LOC122539214: variants seen among roughly 807,000 people sequenced by gnomAD.
the LOC122539214 span, among the ~76,000 whole-genome samples, chr19:52,686,740 G>A: frequency 1.3e-5 from 2 of 152,076 alleles, no homozygotes; most frequent in East Asian, 3.9e-4. Context: ...GCCTGGCTAA[G>A]TTTTGTATTT....
chr19:52,659,980 CAGGAGT>C, the LOC122539214 span, among the ~76,000 whole-genome samples: 2 of 152,102 alleles, frequency 1.3e-5, no homozygotes, highest in Non-Finnish European at 2.9e-5. Flanking sequence ...ATCATGAGGT[CAGGAGT>C]TCGAGACCAG....
chr19:52,687,568 T>TA, the LOC122539214 span, among the ~76,000 whole-genome samples: 1 of 33,042 alleles, frequency 3.0e-5, no homozygotes, highest in Non-Finnish European at 6.2e-5. Flanking sequence ...ATTTTATATA[T>TA]ATATAAATTT....
At chr19:52,658,136 CAAAA>C in the LOC122539214 span, among the ~76,000 whole-genome samples, 4 of 103,786 alleles carry the variant, frequency 3.9e-5, no homozygotes, top group Admixed American at 9.1e-5. Flanking sequence ...AACTTCATCT[CAAAA>C]AAAAAAAAAA....
At chr19:52,678,533 G>A in the LOC122539214 span, among the ~76,000 whole-genome samples, 1 of 151,566 alleles carries the variant, frequency 6.6e-6, no homozygotes, top group Non-Finnish European at 1.5e-5. Flanking sequence ...CTCTTTTCCT[G>A]GTTCCTATAT....
chr19:52,653,027 G>C, the LOC122539214 span: 1 of 1,441,630 alleles, frequency 6.9e-7, no homozygotes, highest in Non-Finnish European at 9.7e-7. Flanking sequence ...AGGTTTGACT[G>C]TTGATTAAAA....
chr19:52,680,546 T>G, the LOC122539214 span, among the ~76,000 whole-genome samples: 1 of 151,916 alleles, frequency 6.6e-6, no homozygotes, highest in Non-Finnish European at 1.5e-5. Context: ...AAACCCACGT[T>G]AAGGTATTTT....
the LOC122539214 span, among the ~76,000 whole-genome samples, chr19:52,666,880 C>CAT: frequency 6.6e-6 from 1 of 152,110 alleles, no homozygotes. Context: ...AATGGGTATT[C>CAT]AATAAGTGAT....
chr19:52,663,681 A>C, the LOC122539214 span, among the ~76,000 whole-genome samples: 1 of 152,356 alleles, frequency 6.6e-6, no homozygotes, highest in South Asian at 2.1e-4. Context: ...TCCAATACAT[A>C]ATAAAGACTA....
the LOC122539214 span, among the ~76,000 whole-genome samples, chr19:52,670,591 C>A: frequency 6.6e-6 from 1 of 152,128 alleles, no homozygotes; most frequent in African/African-American, 2.4e-5. Context: ...GGAAAAGAGT[C>A]AAACTCTGTA....
the LOC122539214 span, among the ~76,000 whole-genome samples, chr19:52,665,581 C>A: frequency 6.6e-6 from 1 of 152,164 alleles, no homozygotes; most frequent in South Asian, 2.1e-4. Context: ...TACTTTTAAA[C>A]TTAACTTCCT....
the LOC122539214 span, among the ~76,000 whole-genome samples, chr19:52,673,659 T>G: frequency 6.6e-6 from 1 of 152,228 alleles, no homozygotes; most frequent in East Asian, 1.9e-4. Flanking sequence ...TGTTTTTTGT[T>G]TTTTCTGGAG....
At chr19:52,680,153 T>G in the LOC122539214 span, among the ~76,000 whole-genome samples, 3 of 152,172 alleles carry the variant, frequency 2.0e-5, no homozygotes, top group Non-Finnish European at 4.4e-5. Context: ...CACTCCACCC[T>G]GGACAACAAG....
the LOC122539214 span, among the ~76,000 whole-genome samples, chr19:52,665,780 G>C: frequency 6.6e-6 from 1 of 152,122 alleles, no homozygotes; most frequent in Non-Finnish European, 1.5e-5. Flanking sequence ...GGGGCCTCAT[G>C]CGTCTGGAGT....
chr19:52,676,350 G>A, the LOC122539214 span, among the ~76,000 whole-genome samples: 4 of 152,218 alleles, frequency 2.6e-5, no homozygotes, highest in East Asian at 1.9e-4. Flanking sequence ...CCTCCCAGCC[G>A]CCTGCCTTGG....
chr19:52,666,618 C>CAAAAAA, the LOC122539214 span, among the ~76,000 whole-genome samples: 5 of 105,794 alleles, frequency 4.7e-5, no homozygotes, highest in Non-Finnish European at 7.7e-5. Context: ...TATCCTAAGT[C>CAAAAAA]AAAAAAAAAA....
At chr19:52,678,323 G>A in the LOC122539214 span, among the ~76,000 whole-genome samples, 6 of 150,888 alleles carry the variant, frequency 4.0e-5, no homozygotes, top group East Asian at 7.9e-4. Flanking sequence ...GGTGGCAGGC[G>A]CCTATAATCC....
At chr19:52,663,443 A>T in the LOC122539214 span, among the ~76,000 whole-genome samples, 11 of 152,236 alleles carry the variant, frequency 7.2e-5, no homozygotes. Flanking sequence ...AATCCAGCCC[A>T]TCCTTCAACA....
At chr19:52,673,306 A>G in the LOC122539214 span, among the ~76,000 whole-genome samples, 2 of 152,180 alleles carry the variant, frequency 1.3e-5, no homozygotes, top group East Asian at 3.9e-4. Flanking sequence ...AGAGTTCGAG[A>G]CCAGCCTGAC....
the LOC122539214 span, chr19:52,654,277 A>C: frequency 1.9e-6 from 3 of 1,553,596 alleles, no homozygotes; most frequent in Admixed American, 3.4e-5. Flanking sequence ...ATCTTTCTTG[A>C]TTTCTGGGAA....
Sources: gnomAD v4.1 joint callset for allele counts (sites outside exome capture counted in the v4.1 genomes callset) on GRCh38, gnomAD v4.1.1 for gene constraint, MANE v1.5 for transcripts.